Variants in KIFC3 observed in about 807,000 individuals in gnomAD.
KIFC3 encodes the protein kinesin family member C3, also known as kinesin-like protein KIFC3.
A neutral mutation model predicts 101.8 loss-of-function variants in KIFC3; 60 were observed. The ratio of observed to expected loss-of-function variants is 0.59; its 90% confidence interval spans 0.48 to 0.73. The LOEUF is 0.73. Among genes scored for constraint, KIFC3 ranks in the 30% least tolerant of loss-of-function variants. KIFC3 has a pLI of 0.00. For synonymous variants in KIFC3, 476 were observed against 482.7 expected (o/e 0.99, Z 0.18); for missense variants, 966 against 1,137.1 (o/e 0.85, Z 2.16).
Position 57,794,971 on chromosome 16 carries a change from A to G in KIFC3, c.315+28T>C, listed in dbSNP as rs782371888. ...ACTGGAGCTCAGAGAGCCAAGGCAC[A>G]TGCAGCCTGGAAGGCCCCAGTGCTT... On this transcript the variant is annotated intron_variant, in intron 3 of 19. Transcript: ENST00000445690. 8 of 1,520,770 alleles carry G rather than the reference A, an allele frequency of 5.3e-6. No homozygotes were observed. The Admixed American group carries it at 1.5e-4, about 28-fold the overall frequency. 94.2% of individuals were successfully genotyped at this position (1,520,770 alleles called of 1,614,324 possible).
chr16:57,826,529 T>C (rs2055460354), intron 1 of KIFC3, among the ~76,000 whole-genome samples: 1 of 152,140 alleles, frequency 6.6e-6, no homozygotes, highest in East Asian at 1.9e-4. Flanking sequence ...CACCACTCTT[T>C]TGAAAATTTC....
intron 1 of KIFC3, among the ~76,000 whole-genome samples, chr16:57,846,937 C>T (rs1157344919): frequency 2.6e-5 from 4 of 152,146 alleles, no homozygotes; most frequent in African/African-American, 7.2e-5. Flanking sequence ...GTAATCCCAA[C>T]ACTTCAGGAG....
In KIFC3 at chr16:57,780,341, T is replaced by C. The variant is rs189676446; in HGVS notation, c.316-8053A>G. 8.5e-4 allele frequency among the ~76,000 whole-genome samples: 130 copies of C among 152,086 alleles called. 1 individual carries two copies. Among genetic ancestry groups the C allele is most frequent in the African/African-American group, 3.0e-3 (126 of 41,492 alleles). ...GCCTGGCCAACATGGTGAAACCCCA[T>C]CTCTACTAAAAATACAAAAATTAGC... On this transcript the variant is annotated intron_variant, in intron 3 of 19. Coordinates refer to ENST00000445690, the MANE Select transcript of KIFC3 (RefSeq NM_001130100.2).
intron 3 of KIFC3, among the ~76,000 whole-genome samples, chr16:57,783,467 CT>C (rs782362431): frequency 3.1e-5 from 1 of 32,002 alleles, no homozygotes; most frequent in Non-Finnish European, 1.0e-4. Context: ...AGCCCATTTT[CT>C]TTTCTTTTTT....
At chr16:57,776,621 T>G (rs1469501176) in intron 3 of KIFC3, 1 of 162,390 alleles carries the variant, frequency 6.2e-6, no homozygotes, top group Non-Finnish European at 1.3e-5. Context: ...GATTTTTGTC[T>G]GTTGTGTTCA....
intron 1 of KIFC3, among the ~76,000 whole-genome samples, chr16:57,838,140 A>C (rs1414834281): frequency 6.6e-6 from 1 of 152,218 alleles, no homozygotes; most frequent in Non-Finnish European, 1.5e-5. Flanking sequence ...ACCAAACCAC[A>C]CAATGCAAGC....
chr16:57,836,700 T>C (rs541025473), intron 1 of KIFC3, among the ~76,000 whole-genome samples: 11 of 152,162 alleles, frequency 7.2e-5, no homozygotes, highest in Admixed American at 1.3e-4. Context: ...ATTTTTGTTC[T>C]TATTTTTTTG....
At chr16:57,803,009 A>G (rs1307749789), upstream of KIFC3, 1 of 1,535,880 alleles carries the variant, frequency 6.5e-7, no homozygotes, top group East Asian at 2.4e-5. Context: ...GCGCTGGCGC[A>G]CATGCACTCA....
chr16:57,803,015 A>C, upstream of KIFC3: 1 of 1,535,814 alleles, frequency 6.5e-7, no homozygotes, highest in South Asian at 1.2e-5. Context: ...GCGCACATGC[A>C]CTCACACTGT....
At chr16:57,843,801 C>T (rs2055858374) in intron 1 of KIFC3, among the ~76,000 whole-genome samples, 1 of 152,104 alleles carries the variant, frequency 6.6e-6, no homozygotes, top group Non-Finnish European at 1.5e-5. Context: ...CATCTATACT[C>T]CACCCTGGAG....
rs1376579897 is a variant in KIFC3, at chr16:57,845,682, C to T, written c.108+17047G>A. Among the ~76,000 whole-genome samples the T allele has an allele frequency of 6.6e-5, 10 of 152,328 alleles. No homozygotes were observed. In the South Asian group the frequency reaches 1.0e-3, roughly 16 times the overall value. ...TCTCCTTAGTTAAAATCACAACTCA[C>T]TCCTCATCTTCCACCTCTGCCCCAA... is the stretch of plus-strand genomic sequence containing the variant. On this transcript the variant is annotated intron_variant, in intron 1 of 2. Transcript: ENST00000563028.
upstream of KIFC3, chr16:57,807,948 A>AAACAAAACAAAC (rs2054977608): frequency 7.0e-6 from 1 of 143,566 alleles, no homozygotes; most frequent in African/African-American, 2.9e-5. Flanking sequence ...AAAAAAAAAA[A>AAACAAAACAAAC]AAAAAAAAAA....
chr16:57,862,815 A>G, exon 1 of KIFC3: 1 of 1,289,256 alleles, frequency 7.8e-7, no homozygotes, highest in Non-Finnish European at 1.0e-6. Flanking sequence ...TTCTTCCTGA[A>G]AAGAAACTCC....
intron 1 of KIFC3, among the ~76,000 whole-genome samples, chr16:57,842,478 A>G (rs2055834278): frequency 6.6e-6 from 1 of 152,192 alleles, no homozygotes. Flanking sequence ...AAAAACTCAC[A>G]TCCAATGCCA....
At chr16:57,860,042 TAA>T (rs60835327) in intron 1 of KIFC3, among the ~76,000 whole-genome samples, 12,399 of 127,970 alleles carry the variant, frequency 0.097, 923 homozygotes, top group African/African-American at 0.18. Context: ...TAAAATAAAA[TAA>T]AATAAAATAA....
chr16:57,769,465 T>C lies in KIFC3; in HGVS notation c.1218+130A>G. On this transcript the variant is annotated intron_variant, in intron 9 of 19. Transcript: ENST00000445690. This position sits in a 1 kb window ranked among gnomAD's most constrained non-coding sequence, Gnocchi z 4.3. ...CCTATAAGGGCAGCAGTAAGTGTCA[T>C]GGGGGGTGGGGCAGGGGCTGCTGTC... is the stretch of plus-strand genomic sequence containing the variant. The C allele has an allele frequency of 8.6e-7, 1 of 1,163,316 alleles. No individual in the cohort carries two copies. Among genetic ancestry groups the C allele is most frequent in the East Asian group, 2.5e-5 (1 of 40,744 alleles). The allele number at this position is 1,163,316 out of a possible 1,614,324, so 72.1% of individuals were successfully genotyped here.
intron 1 of KIFC3, among the ~76,000 whole-genome samples, chr16:57,813,351 A>AAAATAAATAAATAAAT (rs149210186): frequency 1.9e-4 from 29 of 151,304 alleles, no homozygotes; most frequent in African/African-American, 6.6e-4. Flanking sequence ...ATAAAATACA[A>AAAATAAATAAATAAAT]AAATAAATAA....
intron 1 of KIFC3, among the ~76,000 whole-genome samples, chr16:57,823,761 T>TTGTGTGTG (rs542476459): frequency 0.04 from 5,450 of 136,606 alleles, 160 homozygotes; most frequent in East Asian, 0.1. Flanking sequence ...CCCGGCTACT[T>TTGTGTGTG]TGTGTGTGTG....
intron 1 of KIFC3, among the ~76,000 whole-genome samples, chr16:57,798,940 C>T (rs1422382303): frequency 6.6e-6 from 1 of 152,218 alleles, no homozygotes; most frequent in Non-Finnish European, 1.5e-5. Flanking sequence ...ATAATGCCTA[C>T]TGGGTGCCAG....
Sources: gnomAD v4.1 joint callset for allele counts (sites outside exome capture counted in the v4.1 genomes callset) on GRCh38, gnomAD v4.1.1 for gene constraint, Gnocchi (gnomAD v3.1) non-coding constraint, MANE v1.5 for transcripts, NCBI Gene and HGNC (gene_info 2026-07-23, HGNC 2026-07-21) for gene names.